ERMP1: variants seen among roughly 807,000 people sequenced by gnomAD.
ERMP1 encodes endoplasmic reticulum metallopeptidase 1, also known as Felix-ina.
A neutral mutation model predicts 92.0 loss-of-function variants in ERMP1; 86 were observed. That is an observed-to-expected ratio of 0.93 (90% confidence interval 0.79 to 1.12). ERMP1 has a LOEUF of 1.12. ERMP1 is among the 50% of genes most tolerant of loss of function. The pLI is 0.00. For synonymous variants in ERMP1, 530 were observed against 412.8 expected (o/e 1.28, Z -3.44); for missense variants, 1,342 against 1,116.3 (o/e 1.20, Z -2.88).
In ERMP1 at chr9:5,785,170, G is replaced by C. The variant is rs1461011970; in HGVS notation, c.*1974C>G. 6.6e-6 allele frequency: 1 copy of C among 151,768 alleles called. No individual in the cohort carries two copies. Among genetic ancestry groups the C allele is most frequent in the Non-Finnish European group, 1.5e-5 (1 of 67,946 alleles). The allele number at this position is 151,768 out of a possible 1,614,324, so 9.4% of individuals were successfully genotyped here. On this transcript the variant is annotated 3_prime_UTR_variant, in exon 15 of 15. Coordinates refer to ENST00000339450, the MANE Select transcript of ERMP1 (RefSeq NM_024896.3). Reference sequence around the variant, plus strand: ...AATGCTAAAGAAAACCAAAACAAAAGACAATGGTTTACACAGGGAAATAAC... The same window carrying C: ...AATGCTAAAGAAAACCAAAACAAAACACAATGGTTTACACAGGGAAATAAC...
chr9:5,862,875 TC>T (rs2129786220), intron 5 of ERMP1, among the ~76,000 whole-genome samples: 1 of 152,290 alleles, frequency 6.6e-6, no homozygotes, highest in Admixed American at 6.5e-5. Context: ...TGTGTGACAA[TC>T]CAATAAAATG....
intron 13 of ERMP1, among the ~76,000 whole-genome samples, chr9:5,792,274 G>C (rs975977460): frequency 7.2e-5 from 11 of 152,110 alleles, no homozygotes; most frequent in Non-Finnish European, 1.0e-4. Flanking sequence ...TAGGGAAGTA[G>C]ACATAATGAA....
intron 6 of ERMP1, among the ~76,000 whole-genome samples, chr9:5,839,637 C>G (rs931567430): frequency 2.6e-5 from 4 of 152,084 alleles, no homozygotes; most frequent in African/African-American, 9.7e-5. Context: ...CCTGAGCCCC[C>G]CTCTACGTAG....
intron 4 of ERMP1, among the ~76,000 whole-genome samples, chr9:5,820,724 C>G (rs1174576327): frequency 6.6e-6 from 1 of 152,148 alleles, no homozygotes; most frequent in Non-Finnish European, 1.5e-5. Context: ...TATTATCACA[C>G]AGAAAAAGGA....
At chr9:5,850,427 A>AAAAAAAAG (rs142972934) in intron 6 of ERMP1, among the ~76,000 whole-genome samples, 76 of 144,536 alleles carry the variant, frequency 5.3e-4, no homozygotes, top group Non-Finnish European at 8.3e-4. Context: ...AAAAAAAAAA[A>AAAAAAAAG]AAGAAGAAGA....
intron 4 of ERMP1, among the ~76,000 whole-genome samples, chr9:5,822,108 C>T (rs536992986): frequency 6.6e-6 from 1 of 151,938 alleles, no homozygotes; most frequent in South Asian, 2.1e-4. Context: ...GGAAATTAGC[C>T]GGGCATGGTG....
At chr9:5,806,428 C>CTTT (rs772362220) in intron 8 of ERMP1, among the ~76,000 whole-genome samples, 1 of 140,258 alleles carries the variant, frequency 7.1e-6, no homozygotes. Context: ...GCCATATAAA[C>CTTT]TTTTTTTTTT....
intron 6 of ERMP1, among the ~76,000 whole-genome samples, chr9:5,850,051 A>G (rs1413339889): frequency 3.3e-5 from 5 of 152,188 alleles, no homozygotes; most frequent in Non-Finnish European, 7.3e-5. Flanking sequence ...CAGAGTGTTT[A>G]AGGAATAGGC....
chr9:5,789,083 C>T (rs956837577), intron 13 of ERMP1, among the ~76,000 whole-genome samples: 17 of 152,014 alleles, frequency 1.1e-4, no homozygotes, highest in African/African-American at 3.1e-4. Flanking sequence ...AACCAAACAA[C>T]GAAACAGAAC....
chr9:5,866,954 C>G (rs1250565822), intron 5 of ERMP1, among the ~76,000 whole-genome samples: 2 of 152,136 alleles, frequency 1.3e-5, no homozygotes, highest in African/African-American at 4.8e-5. Flanking sequence ...GCCTATAATC[C>G]CAGCACTTTG....
At chr9:5,803,383 G>A (rs770235060) in intron 10 of ERMP1, among the ~76,000 whole-genome samples, 1 of 152,186 alleles carries the variant, frequency 6.6e-6, no homozygotes, top group Non-Finnish European at 1.5e-5. Flanking sequence ...ATATAATTTA[G>A]ATGATAAGAC....
Position 5,819,797 on chromosome 9 carries a change from T to A in ERMP1, c.874+4099A>T, listed in dbSNP as rs77818284. 7.8e-3 allele frequency among the ~76,000 whole-genome samples: 1,193 copies of A among 152,306 alleles called. 16 individuals carry two copies. The highest frequency in any genetic ancestry group is 0.026 in the African/African-American group (1,094 of 41,554). ...AACAATCACGTGTTGTATGATTACA[T>A]TTATATGAAATGTCTACAGCAGGAA... On this transcript the variant is annotated intron_variant, in intron 4 of 14. Coordinates refer to ENST00000339450, the MANE Select transcript of ERMP1 (RefSeq NM_024896.3).
At chr9:5,813,542 T>G (rs929935034) in intron 4 of ERMP1, among the ~76,000 whole-genome samples, 1 of 152,162 alleles carries the variant, frequency 6.6e-6, no homozygotes, top group African/African-American at 2.4e-5. Flanking sequence ...TGCATTATAC[T>G]AGTAAGCATC....
chr9:5,844,105 G>GA (rs372271531), intron 6 of ERMP1, among the ~76,000 whole-genome samples: 4 of 151,934 alleles, frequency 2.6e-5, no homozygotes, highest in South Asian at 2.1e-4. Flanking sequence ...CAGGGGTAAG[G>GA]AAAAAAATCT....
intron 13 of ERMP1, among the ~76,000 whole-genome samples, chr9:5,794,886 T>C (rs552707072): frequency 2.0e-5 from 3 of 152,342 alleles, no homozygotes; most frequent in Non-Finnish European, 4.4e-5. Flanking sequence ...GAGGGAATAC[T>C]TCTTAACCCA....
chr9:5,858,166 A>G (rs1563784850), intron 6 of ERMP1, among the ~76,000 whole-genome samples: 1 of 152,248 alleles, frequency 6.6e-6, no homozygotes, highest in Non-Finnish European at 1.5e-5. Flanking sequence ...ATAGTCAGCA[A>G]GAGCTTTCTG....
chr9:5,824,131 G>T, intron 3 of ERMP1, 130 bp from the exon 4 acceptor site: 1 of 682,852 alleles, frequency 1.5e-6, no homozygotes, highest in Non-Finnish European at 2.5e-6. Flanking sequence ...GCTCTTCAAA[G>T]GCAGTATCCA....
intron 6 of ERMP1, chr9:5,856,548 C>G (rs1449133714): frequency 1.2e-5 from 2 of 160,448 alleles, no homozygotes; most frequent in African/African-American, 4.8e-5. Context: ...ACTCTGGTTA[C>G]TCTCCTACTC....
upstream of ERMP1, among the ~76,000 whole-genome samples, chr9:5,837,671 CGT>C (rs1399506028): frequency 6.6e-6 from 1 of 151,838 alleles, no homozygotes; most frequent in Non-Finnish European, 1.5e-5. Context: ...TCTTTCTGTT[CGT>C]GTGTGTGTGT....
Sources: allele counts gnomAD v4.1 joint callset (sites outside exome capture counted in the v4.1 genomes callset), GRCh38; gene constraint gnomAD v4.1.1; transcripts MANE v1.5; gene names NCBI Gene and HGNC (gene_info 2026-07-23, HGNC 2026-07-21).